GPC5: variants seen among roughly 807,000 people sequenced by gnomAD.
GPC5 encodes the protein glypican-5.
GPC5 carries 47 observed loss-of-function variants against 53.9 expected under a neutral mutation model. That is an observed-to-expected ratio of 0.87 (90% CI 0.69 to 1.11). The LOEUF (loss-of-function observed/expected upper bound fraction) is 1.11, where lower values mean the gene tolerates loss of function less well. Ranked by LOEUF, GPC5 falls within the 50% of genes most tolerant of loss-of-function variation. The probability of loss-of-function intolerance (pLI) is 0.00; values close to 1 mark genes in which losing one functional copy is unlikely to be tolerated. For missense variants in GPC5, 748 were observed against 713.1 expected (o/e 1.05, Z -0.56); for synonymous variants, 286 against 263.3 (o/e 1.09, Z -0.84).
intron 7 of GPC5, among the ~76,000 whole-genome samples, chr13:92,833,627 T>G (rs1042812134): frequency 6.6e-6 from 1 of 152,220 alleles, no homozygotes; most frequent in African/African-American, 2.4e-5. Flanking sequence ...CAGATACTAT[T>G]CACATTTTTA....
chr13:92,598,602 T>A (rs565729388), intron 7 of GPC5, among the ~76,000 whole-genome samples: 1 of 152,240 alleles, frequency 6.6e-6, no homozygotes, highest in African/African-American at 2.4e-5. Flanking sequence ...ATTTACTGTT[T>A]GTTTTTAATG....
At chr13:91,604,693 C>T in intron 2 of GPC5, among the ~76,000 whole-genome samples, 1 of 134,282 alleles carries the variant, frequency 7.4e-6, no homozygotes, top group Non-Finnish European at 1.6e-5. Context: ...TTGCATTTCT[C>T]TGATGGCCAG....
chr13:92,751,300 AT>A (rs370232286), intron 7 of GPC5, among the ~76,000 whole-genome samples: 1,152 of 96,186 alleles, frequency 0.012, 113 homozygotes, highest in Admixed American at 0.025. Flanking sequence ...ATCCAGAAAC[AT>A]TTAAAAAAAA....
chr13:91,857,672 A>G (rs1165600922), intron 5 of GPC5, among the ~76,000 whole-genome samples: 1 of 151,186 alleles, frequency 6.6e-6, no homozygotes, highest in Non-Finnish European at 1.5e-5. Context: ...TTACAAGGAC[A>G]TACATACTTG....
chr13:92,275,028 ATCCCT>A (rs994080341), intron 7 of GPC5, among the ~76,000 whole-genome samples: 13 of 152,160 alleles, frequency 8.5e-5, no homozygotes, highest in Admixed American at 7.9e-4. Context: ...TATGCAGAAA[ATCCCT>A]TCCCTTGAGC....
intron 7 of GPC5, among the ~76,000 whole-genome samples, chr13:92,256,718 T>G (rs1032307289): frequency 6.6e-6 from 1 of 152,028 alleles, no homozygotes; most frequent in Non-Finnish European, 1.5e-5. Flanking sequence ...TTTTAGTCAG[T>G]ATTTCCTGAG....
intron 7 of GPC5, among the ~76,000 whole-genome samples, chr13:92,410,517 A>T (rs993071255): frequency 6.6e-6 from 1 of 152,196 alleles, no homozygotes; most frequent in African/African-American, 2.4e-5. Flanking sequence ...AGCATTGCAC[A>T]GAACTTTCTT....
chr13:92,852,642 T>C (rs905579974), intron 7 of GPC5, among the ~76,000 whole-genome samples: 3 of 152,090 alleles, frequency 2.0e-5, no homozygotes, highest in African/African-American at 7.2e-5. Context: ...GCTATCATAG[T>C]TCATTGCAGC....
chr13:92,347,924 T>G (rs201035731), intron 7 of GPC5, among the ~76,000 whole-genome samples: 1 of 3,702 alleles, frequency 2.7e-4, no homozygotes, highest in Non-Finnish European at 4.4e-4. Context: ...TATATATATA[T>G]TATATATACA....
At chr13:92,378,831 A>AG (rs2043715584) in intron 7 of GPC5, among the ~76,000 whole-genome samples, 2 of 152,186 alleles carry the variant, frequency 1.3e-5, no homozygotes, top group African/African-American at 4.8e-5. Context: ...ATAGTACATG[A>AG]GAAAAAAATG....
chr13:92,831,239 T>C (rs1878033719), intron 7 of GPC5, among the ~76,000 whole-genome samples: 1 of 152,138 alleles, frequency 6.6e-6, no homozygotes, highest in Non-Finnish European at 1.5e-5. Context: ...TTACTCCAAA[T>C]TAGGAGAAAT....
intron 7 of GPC5, among the ~76,000 whole-genome samples, chr13:92,338,633 G>A (rs1194228974): frequency 6.6e-6 from 1 of 152,050 alleles, no homozygotes; most frequent in African/African-American, 2.4e-5. Context: ...AAAGAAGCCA[G>A]TCTTAAAAGG....
intron 7 of GPC5, among the ~76,000 whole-genome samples, chr13:92,148,783 T>C (rs961885013): frequency 6.6e-5 from 10 of 152,086 alleles, no homozygotes; most frequent in Non-Finnish European, 1.3e-4. Flanking sequence ...TTCTCTTCTT[T>C]TGGCCATGCA....
intron 7 of GPC5, among the ~76,000 whole-genome samples, chr13:92,349,858 G>A (rs527376192): frequency 2.0e-5 from 3 of 152,232 alleles, no homozygotes; most frequent in African/African-American, 4.8e-5. Flanking sequence ...AATTGAAGAG[G>A]AGGGACTCTT....
At chr13:92,428,239 T>A (rs1250314315) in intron 7 of GPC5, among the ~76,000 whole-genome samples, 2 of 152,180 alleles carry the variant, frequency 1.3e-5, no homozygotes, top group Admixed American at 6.5e-5. Flanking sequence ...AAGACTCTCC[T>A]GTCTTGGATG....
intron 2 of GPC5, among the ~76,000 whole-genome samples, chr13:91,586,282 T>G (rs988589807): frequency 1.3e-5 from 2 of 149,886 alleles, no homozygotes; most frequent in African/African-American, 4.9e-5. Context: ...CCCTAGTATG[T>G]GTTACCTGGC....
At chr13:92,492,941 G>A (rs1879821486) in intron 7 of GPC5, among the ~76,000 whole-genome samples, 1 of 152,128 alleles carries the variant, frequency 6.6e-6, no homozygotes, top group Admixed American at 6.5e-5. Context: ...GTGGAACAAA[G>A]CAGCCTCACC....
intron 7 of GPC5, among the ~76,000 whole-genome samples, chr13:92,533,980 G>A (rs965235352): frequency 6.6e-6 from 1 of 152,016 alleles, no homozygotes; most frequent in Non-Finnish European, 1.5e-5. Flanking sequence ...TACTACTTGG[G>A]CGCTGATACT....
chr13:91,543,590 C>T (rs2030098493), intron 2 of GPC5, among the ~76,000 whole-genome samples: 1 of 148,966 alleles, frequency 6.7e-6, no homozygotes, highest in African/African-American at 2.5e-5. Context: ...TACCTATACT[C>T]TGTCTACTTA....
Sources: allele counts gnomAD v4.1 joint callset (sites outside exome capture counted in the v4.1 genomes callset), GRCh38; gene constraint gnomAD v4.1.1; transcripts MANE v1.5; gene names NCBI Gene and HGNC (gene_info 2026-07-23, HGNC 2026-07-21).